The following MACROD2 variants were observed in gnomAD, a reference collection of about 807,000 sequenced individuals.
MACROD2 encodes ADP-ribose glycohydrolase MACROD2.
Under a neutral mutation model 70.4 loss-of-function variants are expected in MACROD2, and 36 were observed. That is an observed-to-expected ratio of 0.51 (90% CI 0.39 to 0.68). The LOEUF (loss-of-function observed/expected upper bound fraction) is 0.68. MACROD2 is among the 30% of genes least tolerant of loss of function. The pLI is 0.00. For missense variants in MACROD2, 496 were observed against 538.4 expected (o/e 0.92, Z 0.78); for synonymous variants, 172 against 178.8 (o/e 0.96, Z 0.30).
chr20:14,271,108 A>T (rs1361153220), intron 3 of MACROD2, among the ~76,000 whole-genome samples: 1 of 152,214 alleles, frequency 6.6e-6, no homozygotes, highest in Non-Finnish European at 1.5e-5. Context: ...GCAGACTTAC[A>T]TGTCCCTGTC....
At chr20:15,902,414 G>A (rs953305320) in intron 10 of MACROD2, among the ~76,000 whole-genome samples, 5 of 152,014 alleles carry the variant, frequency 3.3e-5, no homozygotes, top group African/African-American at 4.8e-5. Flanking sequence ...GGGATTGGCA[G>A]ATAAAAAATG....
chr20:14,759,895 G>A (rs1489491448), intron 5 of MACROD2, among the ~76,000 whole-genome samples: 1 of 151,976 alleles, frequency 6.6e-6, no homozygotes, highest in African/African-American at 2.4e-5. Context: ...TTATCAAGGA[G>A]GATTAAGTTC....
At chr20:14,294,166 G>A (rs1263365240) in intron 3 of MACROD2, among the ~76,000 whole-genome samples, 5 of 151,658 alleles carry the variant, frequency 3.3e-5, no homozygotes, top group Non-Finnish European at 7.4e-5. Flanking sequence ...AGATGTAGCA[G>A]CATAGGCTGA....
intron 8 of MACROD2, among the ~76,000 whole-genome samples, chr20:15,848,225 T>C (rs895123956): frequency 2.6e-5 from 4 of 152,126 alleles, no homozygotes; most frequent in African/African-American, 4.8e-5. Flanking sequence ...CTCTCTCCCA[T>C]GCAAATGTAC....
chr20:15,037,978 ATGG>A (rs2075326997), intron 5 of MACROD2, among the ~76,000 whole-genome samples: 2 of 152,154 alleles, frequency 1.3e-5, no homozygotes, highest in Non-Finnish European at 2.9e-5. Flanking sequence ...GCTTGAGGCA[ATGG>A]ATGTGCCAGT....
At chr20:14,235,047 A>G (rs981463751) in intron 3 of MACROD2, among the ~76,000 whole-genome samples, 1 of 152,112 alleles carries the variant, frequency 6.6e-6, no homozygotes, top group East Asian at 1.9e-4. Context: ...GTTTCTGTCT[A>G]TTTATAGGTG....
intron 7 of MACROD2, among the ~76,000 whole-genome samples, chr20:15,449,588 C>G (rs368833066): frequency 1.3e-5 from 2 of 152,110 alleles, no homozygotes; most frequent in Middle Eastern, 6.8e-3. Flanking sequence ...TAAATATAAC[C>G]AAATTTTCAG....
intron 15 of MACROD2, among the ~76,000 whole-genome samples, chr20:16,006,990 A>T (rs1362528725): frequency 6.6e-6 from 1 of 152,186 alleles, no homozygotes; most frequent in East Asian, 1.9e-4. Context: ...CCATTAGAGG[A>T]CACTACAATC....
intron 3 of MACROD2, among the ~76,000 whole-genome samples, chr20:14,153,595 A>G (rs2055054465): frequency 6.6e-6 from 1 of 152,250 alleles, no homozygotes; most frequent in Non-Finnish European, 1.5e-5. Flanking sequence ...AGGAAACAAT[A>G]CAAATGCCTC....
intron 7 of MACROD2, among the ~76,000 whole-genome samples, chr20:15,457,200 G>A (rs984780281): frequency 2.6e-5 from 4 of 151,202 alleles, no homozygotes; most frequent in Admixed American, 6.6e-5. Flanking sequence ...TGTTTCTTCT[G>A]TTAACTTTTG....
intron 2 of MACROD2, among the ~76,000 whole-genome samples, chr20:14,044,787 G>A (rs1437493717): frequency 2.0e-5 from 3 of 152,338 alleles, no homozygotes; most frequent in East Asian, 3.9e-4. Context: ...CCGCACTGGG[G>A]CTGCAGGTGG....
At chr20:15,125,734 A>T (rs1055248234) in intron 5 of MACROD2, among the ~76,000 whole-genome samples, 9 of 151,990 alleles carry the variant, frequency 5.9e-5, no homozygotes, top group Non-Finnish European at 2.9e-5. Context: ...TTTAAAGTGT[A>T]TAATTCAGTG....
At chr20:15,557,847 T>C (rs560858202) in intron 8 of MACROD2, among the ~76,000 whole-genome samples, 1 of 152,172 alleles carries the variant, frequency 6.6e-6, no homozygotes, top group Non-Finnish European at 1.5e-5. Context: ...TGTCGGGCAA[T>C]CTGGCACATT....
At chr20:15,921,406 A>G (rs936412927) in intron 10 of MACROD2, among the ~76,000 whole-genome samples, 2 of 152,194 alleles carry the variant, frequency 1.3e-5, no homozygotes, top group South Asian at 2.1e-4. Flanking sequence ...CTCCCGCCCC[A>G]TAGGCCCCTC....
At chr20:15,750,303 A>G (rs2051248990) in intron 8 of MACROD2, among the ~76,000 whole-genome samples, 1 of 152,012 alleles carries the variant, frequency 6.6e-6, no homozygotes, top group Non-Finnish European at 1.5e-5. Context: ...ATCAGATACC[A>G]CCTCACTCCA....
At chr20:14,093,940 G>T (rs1036644427) in intron 3 of MACROD2, among the ~76,000 whole-genome samples, 35 of 152,024 alleles carry the variant, frequency 2.3e-4, no homozygotes, top group African/African-American at 8.2e-4. Flanking sequence ...GCAGAGGCCA[G>T]ATCATGAAGT....
chr20:15,166,129 C>A (rs1003301017), intron 5 of MACROD2, among the ~76,000 whole-genome samples: 4 of 152,130 alleles, frequency 2.6e-5, no homozygotes, highest in Non-Finnish European at 4.4e-5. Flanking sequence ...GAGGATCTTT[C>A]TGGAGTGATA....
intron 6 of MACROD2, among the ~76,000 whole-genome samples, chr20:15,341,588 G>C (rs559332090): frequency 2.6e-4 from 39 of 152,224 alleles, no homozygotes; most frequent in African/African-American, 9.4e-4. Context: ...GGAAAATGTT[G>C]GCAACAAATC....
chr20:14,767,319 A>C (rs1281167936), intron 5 of MACROD2, among the ~76,000 whole-genome samples: 1 of 151,648 alleles, frequency 6.6e-6, no homozygotes, highest in African/African-American at 2.4e-5. Flanking sequence ...AAAAGGATTA[A>C]TTTTTTTTTG....
Sources: gnomAD v4.1 joint callset for allele counts (sites outside exome capture counted in the v4.1 genomes callset) on GRCh38, gnomAD v4.1.1 for gene constraint, MANE v1.5 for transcripts, NCBI Gene and HGNC (gene_info 2026-07-23, HGNC 2026-07-21) for gene names.